Variants in SLC6A5 observed in about 807,000 individuals in gnomAD.
SLC6A5 encodes the protein sodium- and chloride-dependent glycine transporter 2.
In SLC6A5, 58 loss-of-function variants were observed where a neutral mutation model predicts 90.5. That is an observed-to-expected ratio of 0.64 (90% confidence interval 0.52 to 0.80). SLC6A5 has a LOEUF of 0.80. Ranked by LOEUF, SLC6A5 falls within the 30% of genes least tolerant of loss-of-function variation. The pLI, the probability that SLC6A5 is intolerant of heterozygous loss-of-function variation, is 0.00. For synonymous variants in SLC6A5, 427 were observed against 401.4 expected (o/e 1.06, Z -0.76); for missense variants, 1,015 against 1,017.6 (o/e 1.00, Z 0.03).
In SLC6A5 at chr11:20,601,658, C is replaced by T. The variant is rs1399008792; in HGVS notation, c.533C>T (p.Ala178Val). The change falls in exon 2 of 16, where the codon GCC (alanine) becomes GTC (valine). Residue 178 changes from alanine to valine, a missense_variant. Ala to Val is a moderately conservative substitution (Grantham distance 64). This residue lies in a region of SLC6A5 where 567 missense variants were observed against 507.3 expected (regional missense o/e 1.12). Transcript: ENST00000525748. ...CTCCCGGGCAGCGTGGCCACCGTTG[C>T]CACCCAGGTAAGCAGGTTGCATTAC... is the stretch of plus-strand genomic sequence containing the variant. ...SVLPGSVATV[A>V]TQEDEQGDEN... 1 of 1,613,580 alleles carries T rather than the reference C, an allele frequency of 6.2e-7. No individual in the cohort carries two copies. Among genetic ancestry groups the T allele is most frequent in the Admixed American group, 1.7e-5 (1 of 60,026 alleles).
At chr11:20,620,882 C>G (rs1852875704) in intron 7 of SLC6A5, among the ~76,000 whole-genome samples, 1 of 152,086 alleles carries the variant, frequency 6.6e-6, no homozygotes, top group African/African-American at 2.4e-5. Context: ...TCACTGCAAC[C>G]TCCACCTCCT....
chr11:20,635,028 C>T (rs1420113348), intron 10 of SLC6A5, among the ~76,000 whole-genome samples: 1 of 152,062 alleles, frequency 6.6e-6, no homozygotes, highest in Non-Finnish European at 1.5e-5. Context: ...CAGAGCTTTA[C>T]GATAGCAGAG....
rs1479804023 is a variant in SLC6A5, at chr11:20,637,336, G to A, written c.1869+33G>A. On this transcript the variant is annotated intron_variant, in intron 12 of 15. Transcript: ENST00000525748. The stretch of plus-strand genomic sequence containing the variant: ...GCCTCCTAGGCACAGGCTTGGGGTG[G>A]GGGCAGGAGGGTGGGGGGCCAATAG... 7 of 1,597,864 alleles carry A rather than the reference G, an allele frequency of 4.4e-6. No homozygotes were observed. In the African/African-American group the frequency reaches 5.4e-5, roughly 12 times the overall value.
At chr11:20,645,355 G>A (rs1203277249) in intron 13 of SLC6A5, among the ~76,000 whole-genome samples, 2 of 152,042 alleles carry the variant, frequency 1.3e-5, no homozygotes, top group Non-Finnish European at 2.9e-5. Context: ...GGTGTCCAGG[G>A]AGATGATGGC....
In SLC6A5 at chr11:20,604,302, A is replaced by G; in HGVS notation, c.557A>G (p.Asp186Gly). ...TVATQEDEQG[D>G]ENKARGNWSS... is the part of the protein sequence containing the mutation. ...CGCCCCCAGGAGGACGAGCAAGGGG[A>G]TGAGAATAAGGCCCGAGGGAACTGG... The change falls in exon 3 of 16, where the codon GAT becomes GGT. Residue 186 changes from aspartate (D) to glycine (G), a missense_variant. By Grantham distance (94) the Asp-to-Gly change is moderately conservative. This residue lies in a region of SLC6A5 where 567 missense variants were observed against 507.3 expected (regional missense o/e 1.12). Coordinates refer to ENST00000525748, the MANE Select transcript of SLC6A5 (RefSeq NM_004211.5). The G allele has an allele frequency of 6.2e-7, 1 of 1,612,390 alleles. No homozygotes were observed. Among genetic ancestry groups the G allele is most frequent in the Non-Finnish European group, 8.5e-7 (1 of 1,178,848 alleles).
At chr11:20,632,328 G>A (rs944463897) in intron 10 of SLC6A5, among the ~76,000 whole-genome samples, 1 of 152,162 alleles carries the variant, frequency 6.6e-6, no homozygotes, top group Non-Finnish European at 1.5e-5. Flanking sequence ...CCTGAGATGT[G>A]GGCCAGGTTA....
chr11:20,654,140 A>T (rs1853594596), intron 15 of SLC6A5, among the ~76,000 whole-genome samples: 1 of 152,244 alleles, frequency 6.6e-6, no homozygotes, highest in Non-Finnish European at 1.5e-5. Context: ...CTGCTGAACC[A>T]AGTCAGAAGC....
At chr11:20,603,330 C>T (rs1166810717) in intron 2 of SLC6A5, among the ~76,000 whole-genome samples, 3 of 152,180 alleles carry the variant, frequency 2.0e-5, no homozygotes, top group Non-Finnish European at 4.4e-5. Flanking sequence ...CCCATTTTTC[C>T]TGCTTACTAG....
At chr11:20,601,792 C>A (rs1487292574) in intron 2 of SLC6A5, 127 bp downstream of exon 2, 2 of 1,022,402 alleles carry the variant, frequency 2.0e-6, no homozygotes, top group Admixed American at 2.0e-5. Flanking sequence ...GTGATGGATG[C>A]GGGAGGCGGC....
In SLC6A5 at chr11:20,601,529, G is replaced by T; in HGVS notation, c.404G>T (p.Ser135Ile). Residue 135 changes from serine to isoleucine, a missense_variant, in exon 2 of 16, where the codon AGT (serine) becomes ATT (isoleucine). Around this residue, in one of 3 missense-constraint regions of SLC6A5, gnomAD observed 567 missense variants for 507.3 expected, o/e 1.12. Coordinates refer to ENST00000525748, the MANE Select transcript of SLC6A5 (RefSeq NM_004211.5). ...GGCCCGGAGGGGGATGCGAACGTGA[G>T]TGTGGGCAAGGGCACCCTGGAGCGG... ...LRGPEGDANV[S>I]VGKGTLERNN... The T allele has an allele frequency of 4.3e-6, 7 of 1,614,172 alleles. No homozygotes were observed. Among genetic ancestry groups the T allele is most frequent in the Non-Finnish European group, 5.9e-6 (7 of 1,179,990 alleles).
In SLC6A5 at chr11:20,637,235, C is replaced by T. The variant is rs775899410; in HGVS notation, c.1801C>T (p.His601Tyr). The T allele has an allele frequency of 2.0e-5, 33 of 1,613,484 alleles. No homozygotes were observed. In the South Asian group the frequency reaches 3.4e-4, roughly 17 times the overall value. Residue 601 changes from histidine to tyrosine, a missense_variant, in exon 12 of 16, where the codon CAC becomes TAC. Coordinates refer to ENST00000525748, the MANE Select transcript of SLC6A5 (RefSeq NM_004211.5). ...CGAGTTTCCCAAGTACCTACGCACA[C>T]ACAAGCCAGTGTTTACTCTGGGCTG... is the stretch of plus-strand genomic sequence containing the variant. The part of the protein sequence containing the change: ...SDEFPKYLRT[H>Y]KPVFTLGCCI...
At chr11:20,600,953 A>C (rs1187453301) in intron 1 of SLC6A5, among the ~76,000 whole-genome samples, 176 bp from the exon 2 acceptor site, 1 of 152,202 alleles carries the variant, frequency 6.6e-6, no homozygotes, top group Non-Finnish European at 1.5e-5. Flanking sequence ...TATTGATGAA[A>C]CGGGCAAATT....
rs759042080 is a variant in SLC6A5 at position 20,601,208 on chromosome 11, G to A, written c.83G>A (p.Gly28Asp). Residue 28 changes from glycine (G) to aspartate (D), a missense_variant, in exon 2 of 16, where the codon GGC becomes GAC. Physicochemically the swap from Gly to Asp is moderately conservative, Grantham distance 94 (BLOSUM62 -1). Around this residue, in one of 3 missense-constraint regions of SLC6A5, gnomAD observed 567 missense variants for 507.3 expected, o/e 1.12. Coordinates refer to ENST00000525748, the MANE Select transcript of SLC6A5 (RefSeq NM_004211.5). ...GCGGCGGCGCAGGGCCACCCGGATG[G>A]CCCATGCGCTCCCAGGACGAGCCCG... ...EAAAAQGHPDGPCAPRTSPEQ... is the reference protein window; with the variant it reads ...EAAAAQGHPDDPCAPRTSPEQ... The A allele has an allele frequency of 1.3e-6, 2 of 1,584,268 alleles. No homozygotes were observed. The highest frequency in any genetic ancestry group is 1.7e-6 in the Non-Finnish European group (2 of 1,172,870).
In SLC6A5 at chr11:20,647,340, TA is replaced by T. The variant is rs1853436907; in HGVS notation, c.2070+407del. Among the ~76,000 whole-genome samples the T allele has an allele frequency of 7.7e-5, 4 of 51,744 alleles. No homozygotes were observed. The East Asian group carries it at 0.018, about 233-fold the overall frequency. The allele number at this position is 51,744 out of a possible 152,430, so 33.9% of individuals were successfully genotyped here. ...TTATATAGTTATATATATAACTATA[TA>T]TTCCTATTATATAGTTATATATATA... is the stretch of plus-strand genomic sequence containing the variant. On this transcript the variant is annotated intron_variant, in intron 14 of 15. Coordinates refer to ENST00000525748, the MANE Select transcript of SLC6A5 (RefSeq NM_004211.5).
chr11:20,600,375 G>T (rs1429244287), intron 1 of SLC6A5, among the ~76,000 whole-genome samples: 1 of 149,672 alleles, frequency 6.7e-6, no homozygotes, highest in African/African-American at 2.5e-5. Context: ...AGAAGAAGAA[G>T]AAGAAGAAGA....
rs748513490 is a variant in SLC6A5 at position 20,599,623 on chromosome 11, C to G, written c.-50C>G. 6.2e-7 allele frequency: 1 copy of G among 1,613,368 alleles called. No individual in the cohort carries two copies. The highest frequency in any genetic ancestry group is 2.2e-5 in the East Asian group (1 of 44,878). On this transcript the variant is annotated 5_prime_UTR_variant, in exon 1 of 16. Coordinates refer to ENST00000525748, the MANE Select transcript of SLC6A5 (RefSeq NM_004211.5). ...CTGCCTGAGCCAAACCCAGTCTTGT[C>G]AATAGCGGGTTTCACCCTCCACCAG...
rs55914963 is a variant in SLC6A5, at chr11:20,623,452, C to T, written c.1261-3256C>T. Among the ~76,000 whole-genome samples the T allele has an allele frequency of 1.9e-3, 295 of 152,274 alleles. 6 individuals carry two copies. Among genetic ancestry groups the T allele is most frequent in the Non-Finnish European group, 3.4e-3 (228 of 68,024 alleles). On this transcript the variant is annotated intron_variant, in intron 7 of 15. Transcript: ENST00000525748. ...ATGTGTTTCTCACCAGCTCCAGCGA[C>T]AACACCCTGGCTGGAGCCATCCCCA...
intron 5 of SLC6A5, among the ~76,000 whole-genome samples, chr11:20,613,096 G>A (rs1852723467): frequency 6.6e-6 from 1 of 152,134 alleles, no homozygotes; most frequent in Non-Finnish European, 1.5e-5. Flanking sequence ...ACATTGGATT[G>A]CCTAAGTCAT....
chr11:20,643,513 C>G (rs746160664), intron 13 of SLC6A5, among the ~76,000 whole-genome samples: 2 of 152,138 alleles, frequency 1.3e-5, no homozygotes, highest in African/African-American at 4.8e-5. Flanking sequence ...TCCGGAAAAG[C>G]CTTAAGAGCT....
Sources: allele counts gnomAD v4.1 joint callset (sites outside exome capture counted in the v4.1 genomes callset), GRCh38; gene constraint gnomAD v4.1.1; regional missense constraint gnomAD v4.1.1; transcripts MANE v1.5; gene names NCBI Gene and HGNC (gene_info 2026-07-23, HGNC 2026-07-21).